Variants in EPHA5 observed in about 807,000 individuals in gnomAD.
EPHA5 encodes EPH receptor A5.
EPHA5 carries 60 observed loss-of-function variants against 105.0 expected under a neutral mutation model. That is an observed-to-expected ratio of 0.57 (90% CI 0.46 to 0.71). The LOEUF (loss-of-function observed/expected upper bound fraction) is 0.71. EPHA5 is among the 30% of genes least tolerant of loss of function. The probability of loss-of-function intolerance (pLI) is 0.00; values close to 1 mark genes in which losing one functional copy is unlikely to be tolerated. For synonymous variants in EPHA5, 513 were observed against 449.1 expected, an observed-to-expected ratio of 1.14 and a Z score of -1.80; for missense variants, 1,218 against 1,274.7, an observed-to-expected ratio of 0.96 and a Z score of 0.68.
intron 3 of EPHA5, among the ~76,000 whole-genome samples, chr4:65,523,598 C>G (rs1462524387): frequency 6.6e-6 from 1 of 151,934 alleles, no homozygotes; most frequent in African/African-American, 2.4e-5. Context: ...ATTGAGTTTG[C>G]AAATCTGATG....
At chr4:65,401,573 C>T (rs1046105464) in intron 8 of EPHA5, among the ~76,000 whole-genome samples, 2 of 152,038 alleles carry the variant, frequency 1.3e-5, no homozygotes, top group Non-Finnish European at 2.9e-5. Context: ...GCCTCAGATT[C>T]GTTTTTGGCG....
intron 3 of EPHA5, among the ~76,000 whole-genome samples, chr4:65,537,376 T>G (rs1403590958): frequency 6.6e-6 from 1 of 151,784 alleles, no homozygotes; most frequent in Admixed American, 6.6e-5. Flanking sequence ...GTTTTTCAGA[T>G]AGCAAAATTA....
rs903568805 is a variant in EPHA5 at position 65,601,913 on chromosome 4, G to A, written c.638C>T (p.Ala213Val). 1 of 1,614,018 alleles carries A rather than the reference G, an allele frequency of 6.2e-7. No homozygotes were observed. Among genetic ancestry groups the A allele is most frequent in the Non-Finnish European group, 8.5e-7 (1 of 1,180,020 alleles). ...GPLSKKGFYLAFQDVGACIAL... is the reference protein window; with the variant it reads ...GPLSKKGFYLVFQDVGACIAL... ...AATGCAAGCACCAACATCTTGAAAAGCAAGATAAAATCCCTTTTTGCTTAG... is the reference window on the plus strand; with the variant it reads ...AATGCAAGCACCAACATCTTGAAAAACAAGATAAAATCCCTTTTTGCTTAG... Residue 213 changes from alanine (A) to valine (V), a missense_variant, in exon 3 of 17, where the codon GCT (alanine) becomes GTT (valine). By Grantham distance (64) the Ala-to-Val change is moderately conservative. Coordinates refer to ENST00000613740, the MANE Select transcript of EPHA5 (RefSeq NM_001281766.3).
At chr4:65,544,256 C>T (rs773255243) in intron 3 of EPHA5, among the ~76,000 whole-genome samples, 3 of 151,954 alleles carry the variant, frequency 2.0e-5, no homozygotes, top group Non-Finnish European at 4.4e-5. Context: ...AGCTTCTGCA[C>T]AGCAAAAGTA....
At chr4:65,623,529 T>C (rs1333682734) in intron 2 of EPHA5, among the ~76,000 whole-genome samples, 5 of 152,166 alleles carry the variant, frequency 3.3e-5, no homozygotes, top group Admixed American at 2.6e-4. Context: ...TATAATATAA[T>C]AGCATCAGGT....
At chr4:65,372,025 C>G (rs925037397) in intron 8 of EPHA5, among the ~76,000 whole-genome samples, 5 of 151,774 alleles carry the variant, frequency 3.3e-5, no homozygotes, top group African/African-American at 1.2e-4. Context: ...ACATTAATAT[C>G]TATATGAGAT....
At chr4:65,558,803 G>T (rs1307826974) in intron 3 of EPHA5, among the ~76,000 whole-genome samples, 1 of 151,986 alleles carries the variant, frequency 6.6e-6, no homozygotes, top group Non-Finnish European at 1.5e-5. Flanking sequence ...TTAAATCCAG[G>T]TTTTCTGCTT....
At chr4:65,386,589 C>G (rs1236880195) in intron 8 of EPHA5, among the ~76,000 whole-genome samples, 2 of 151,912 alleles carry the variant, frequency 1.3e-5, no homozygotes, top group Admixed American at 1.3e-4. Flanking sequence ...TATACACACA[C>G]AGAGAGAGCA....
At chr4:65,605,540 A>G (rs1472767577) in intron 2 of EPHA5, among the ~76,000 whole-genome samples, 1 of 152,134 alleles carries the variant, frequency 6.6e-6, no homozygotes, top group Admixed American at 6.5e-5. Context: ...TATGTCCCCA[A>G]ATTCACAGTA....
chr4:65,404,067 A>G (rs546096179), intron 8 of EPHA5, among the ~76,000 whole-genome samples: 30 of 152,296 alleles, frequency 2.0e-4, no homozygotes, highest in Middle Eastern at 3.4e-3. Context: ...CAATTTTGAG[A>G]GATAAAAAAT....
At chr4:65,387,988 T>C (rs28649696) in intron 8 of EPHA5, among the ~76,000 whole-genome samples, 29,998 of 65,588 alleles carry the variant, frequency 0.46, 6,044 homozygotes, top group East Asian at 0.7. Context: ...CCACAACAGT[T>C]CCCAGAGTGT....
intron 14 of EPHA5, among the ~76,000 whole-genome samples, chr4:65,345,923 C>T (rs1722176865): frequency 6.6e-6 from 1 of 152,040 alleles, no homozygotes; most frequent in African/African-American, 2.4e-5. Flanking sequence ...CAGGCGCCCG[C>T]CACCACGCCC....
At chr4:65,646,691 T>C (rs1748138046) in intron 1 of EPHA5, among the ~76,000 whole-genome samples, 1 of 152,180 alleles carries the variant, frequency 6.6e-6, no homozygotes. Context: ...GATCTGTTCA[T>C]CTATCAATGT....
At chr4:65,640,840 A>G (rs1747599997) in intron 2 of EPHA5, among the ~76,000 whole-genome samples, 1 of 152,124 alleles carries the variant, frequency 6.6e-6, no homozygotes, top group African/African-American at 2.4e-5. Context: ...AGTCCTACAC[A>G]TGTGCATGGC....
intron 8 of EPHA5, among the ~76,000 whole-genome samples, chr4:65,369,801 T>TA (rs1056747698): frequency 1.4e-4 from 22 of 152,102 alleles, no homozygotes; most frequent in African/African-American, 5.3e-4. Context: ...ACCCAGTATC[T>TA]ACTAAAAATA....
chr4:65,416,716 T>C (rs1723420153), intron 6 of EPHA5, among the ~76,000 whole-genome samples: 1 of 152,170 alleles, frequency 6.6e-6, no homozygotes. Flanking sequence ...GTCTCAGTTG[T>C]TCCTTAGCTA....
At chr4:65,492,241 G>A (rs896320921) in intron 4 of EPHA5, among the ~76,000 whole-genome samples, 4 of 152,000 alleles carry the variant, frequency 2.6e-5, no homozygotes, top group African/African-American at 4.8e-5. Flanking sequence ...TCTCTCTGTC[G>A]CCCGGGCTGA....
intron 3 of EPHA5, among the ~76,000 whole-genome samples, chr4:65,582,322 C>T (rs866549890): frequency 5.9e-5 from 9 of 151,416 alleles, no homozygotes; most frequent in Middle Eastern, 3.4e-3. Flanking sequence ...TATAACTTTC[C>T]ATTTTAAATT....
At chr4:65,331,480 G>A in intron 16 of EPHA5, 1 of 1,050,266 alleles carries the variant, frequency 9.5e-7, no homozygotes, top group Non-Finnish European at 1.1e-6. Context: ...AATGTAAGGT[G>A]CACCATTTAG....
Sources: gnomAD v4.1 joint callset for allele counts (sites outside exome capture counted in the v4.1 genomes callset) on GRCh38, gnomAD v4.1.1 for gene constraint, MANE v1.5 for transcripts, NCBI Gene and HGNC (gene_info 2026-07-23, HGNC 2026-07-21) for gene names.